Variants in FAM13B observed in about 807,000 individuals in gnomAD.
FAM13B encodes family with sequence similarity 13 member B.
FAM13B carries 60 observed loss-of-function variants against 117.3 expected under a neutral mutation model. The ratio of observed to expected loss-of-function variants is 0.51; its 90% CI spans 0.42 to 0.63. The LOEUF is 0.63. Ranked by LOEUF, FAM13B falls within the 30% of genes least tolerant of loss-of-function variation. FAM13B has a pLI of 0.00. For missense variants in FAM13B, 972 were observed against 1,091.9 expected, an observed-to-expected ratio of 0.89 and a Z score of 1.55; for synonymous variants, 332 against 356.1, an observed-to-expected ratio of 0.93 and a Z score of 0.76.
In FAM13B at chr5:138,041,731, G is replaced by A. The variant is rs1036226045; in HGVS notation, c.-203+10147C>T. Among the ~76,000 whole-genome samples, 4 of 151,626 alleles carry A rather than the reference G, an allele frequency of 2.6e-5. No homozygotes were observed. In the East Asian group the frequency reaches 7.8e-4, roughly 29 times the overall value. ...GCAGGAGGATTGCTTAAGGCCAGGA[G>A]TTTGAAACCAGCCTGGGCAACATAG... On this transcript the variant is annotated intron_variant, in intron 1 of 3. Coordinates refer to the FAM13B transcript ENST00000502471.
intron 1 of FAM13B, among the ~76,000 whole-genome samples, 169 bp from the exon 2 acceptor site, chr5:138,021,366 G>T (rs945731436): frequency 6.6e-6 from 1 of 152,224 alleles, no homozygotes; most frequent in African/African-American, 2.4e-5. Context: ...AACGGTTTCA[G>T]ATGATGATGG....
rs112104603 is a variant in FAM13B at position 137,998,115 on chromosome 5, A to G, written c.848+8875T>C. The stretch of plus-strand genomic sequence containing the variant: ...TAAAAGCCCCAATGCTCAGGCTGCT[A>G]AAGTGGAGCACTCTGAACCTCCTCT... On this transcript the variant is annotated intron_variant, in intron 7 of 23. Transcript: ENST00000689681. Among the ~76,000 whole-genome samples the G allele has an allele frequency of 2.6e-4, 39 of 152,366 alleles. 2 individuals carry two copies. Among genetic ancestry groups the G allele is most frequent in the African/African-American group, 7.7e-4 (32 of 41,590 alleles).
At chr5:138,031,610 GGGA>G (rs1790035970) in intron 1 of FAM13B, among the ~76,000 whole-genome samples, 1 of 151,854 alleles carries the variant, frequency 6.6e-6, no homozygotes, top group Non-Finnish European at 1.5e-5. Context: ...GCTTGAATCC[GGGA>G]GGAGGAGGTT....
chr5:137,994,900 A>T (rs1332764099), intron 7 of FAM13B, among the ~76,000 whole-genome samples: 1 of 152,234 alleles, frequency 6.6e-6, no homozygotes, highest in East Asian at 1.9e-4. Context: ...TCCAAATAAA[A>T]TAAGAAACTA....
chr5:137,995,423 A>C (rs1779617316), intron 7 of FAM13B, among the ~76,000 whole-genome samples: 1 of 152,234 alleles, frequency 6.6e-6, no homozygotes, highest in Admixed American at 6.5e-5. Flanking sequence ...TAAATTATAA[A>C]TATGAAATTA....
intron 21 of FAM13B, 44 bp downstream of exon 21, chr5:137,943,089 T>C: frequency 6.2e-7 from 1 of 1,612,998 alleles, no homozygotes; most frequent in South Asian, 1.1e-5. Context: ...TTTGAACTCT[T>C]CCCTTAGGGA....
intron 23 of FAM13B, chr5:137,940,625 T>G (rs540195923): frequency 3.1e-6 from 1 of 322,578 alleles, no homozygotes; most frequent in Admixed American, 4.6e-5. Context: ...TAACAGGACA[T>G]CCAGTGCTAG....
Position 138,033,072 on chromosome 5 carries a change from G to C in FAM13B, c.-493C>G, listed in dbSNP as rs891527914. ...GCCTCCCTAACGGCGAGCGGGAGGA[G>C]AGCGGCTGGCGGGCGGAGGCCGGGC... On this transcript the variant is annotated 5_prime_UTR_variant, in exon 1 of 24. Transcript: ENST00000689681. 1.0e-4 allele frequency: 102 copies of C among 986,218 alleles called. No homozygotes were observed. Among genetic ancestry groups the C allele is most frequent in the South Asian group, 3.3e-4 (7 of 21,370 alleles). 61.1% of individuals were successfully genotyped at this position (986,218 alleles called of 1,614,324 possible). A position where few individuals can be genotyped will look rare whatever the true frequency, so the allele number is the denominator to read the frequency against.
At chr5:137,958,816 T>C (rs1240472858) in intron 13 of FAM13B, among the ~76,000 whole-genome samples, 1 of 152,220 alleles carries the variant, frequency 6.6e-6, no homozygotes, top group African/African-American at 2.4e-5. Context: ...CAATCTACCA[T>C]TAACATTCTA....
intron 10 of FAM13B, among the ~76,000 whole-genome samples, chr5:137,972,598 A>C (rs1772561386): frequency 6.6e-6 from 1 of 152,086 alleles, no homozygotes; most frequent in South Asian, 2.1e-4. Flanking sequence ...TAGTGTTGGA[A>C]GTTCTGGCCA....
chr5:137,944,317 A>G (rs1425471247), intron 20 of FAM13B, among the ~76,000 whole-genome samples: 1 of 152,212 alleles, frequency 6.6e-6, no homozygotes, highest in Middle Eastern at 3.2e-3. Flanking sequence ...ATCCAAAAGA[A>G]AACAAATCAT....
intron 23 of FAM13B, among the ~76,000 whole-genome samples, chr5:137,940,857 A>AT (rs1337566519): frequency 6.6e-6 from 1 of 152,216 alleles, no homozygotes; most frequent in Non-Finnish European, 1.5e-5. Flanking sequence ...TTTTCTCCCA[A>AT]TAATACAATG....
chr5:137,959,079 T>C (rs1197333359), intron 13 of FAM13B, among the ~76,000 whole-genome samples: 1 of 152,224 alleles, frequency 6.6e-6, no homozygotes, highest in Non-Finnish European at 1.5e-5. Context: ...GTTTGCTTGT[T>C]AAATTTTAAC....
intron 10 of FAM13B, among the ~76,000 whole-genome samples, chr5:137,981,325 G>A (rs919081398): frequency 6.6e-6 from 1 of 151,996 alleles, no homozygotes; most frequent in Non-Finnish European, 1.5e-5. Flanking sequence ...CCTGATGCTT[G>A]TAATCCCAAC....
intron 7 of FAM13B, among the ~76,000 whole-genome samples, chr5:138,001,580 A>G (rs752094612): frequency 6.6e-6 from 1 of 152,214 alleles, no homozygotes; most frequent in Non-Finnish European, 1.5e-5. Context: ...CACTATCCTA[A>G]GTGTTATAAA....
intron 1 of FAM13B, among the ~76,000 whole-genome samples, chr5:138,041,077 AAAAAG>A (rs1335450818): frequency 2.0e-5 from 3 of 151,730 alleles, no homozygotes; most frequent in South Asian, 2.1e-4. Context: ...AAAAAAAAAA[AAAAAG>A]AAAAGAAAAG....
Position 138,019,073 on chromosome 5 carries a change from G to A in FAM13B, c.39C>T (p.Asn13=). 1 of 1,614,024 alleles carries A rather than the reference G, an allele frequency of 6.2e-7. No homozygotes were observed. The highest frequency in any genetic ancestry group is 8.5e-7 in the Non-Finnish European group (1 of 1,179,976). ...KSSSPSLSNC[N]SVLANKIFGI... ...CAAATATTTTGTTAGCAAGAACGGAGTTGCAGTTACTCAAGGAAGGGGAGG... is the reference window on the plus strand; with the variant it reads ...CAAATATTTTGTTAGCAAGAACGGAATTGCAGTTACTCAAGGAAGGGGAGG... The change falls in exon 3 of 24, where the codon AAC becomes AAT. Residue 13 remains asparagine, a synonymous_variant. Transcript: ENST00000689681.
At chr5:137,965,099 GAGC>G (rs1286897327) in intron 10 of FAM13B, among the ~76,000 whole-genome samples, 1 of 152,120 alleles carries the variant, frequency 6.6e-6, no homozygotes, top group Non-Finnish European at 1.5e-5. Context: ...CAGTGGGGAG[GAGC>G]AGATTGCGGT....
intron 6 of FAM13B, 137 bp downstream of exon 6, chr5:138,010,871 T>C: frequency 1.1e-6 from 1 of 902,460 alleles, no homozygotes; most frequent in Non-Finnish European, 1.5e-6. Context: ...ACCTACTGAT[T>C]ACATATAATA....
Sources: gnomAD v4.1 joint callset for allele counts (sites outside exome capture counted in the v4.1 genomes callset) on GRCh38, gnomAD v4.1.1 for gene constraint, MANE v1.5 for transcripts, NCBI Gene and HGNC (gene_info 2026-07-23, HGNC 2026-07-21) for gene names.